The following CDHR3 variants were observed in gnomAD, a reference collection of about 807,000 sequenced individuals.
The protein encoded by CDHR3 is cadherin related family member 3.
A neutral mutation model predicts 86.6 loss-of-function variants in CDHR3; 79 were observed. The observed-to-expected ratio is 0.91, with a 90% CI of 0.76 to 1.10. The LOEUF is 1.10. Ranked by LOEUF, CDHR3 falls within the 50% of genes least tolerant of loss-of-function variation. The pLI, the probability that CDHR3 is intolerant of heterozygous loss-of-function variation, is 0.00. For missense variants in CDHR3, 1,081 were observed against 1,077.6 expected (o/e 1.00, Z -0.04); for synonymous variants, 421 against 402.4 (o/e 1.05, Z -0.55).
Position 105,975,054 on chromosome 7 carries a change from A to G in CDHR3, c.249+8A>G. The G allele has an allele frequency of 1.2e-6, 2 of 1,601,248 alleles. No homozygotes were observed. Among genetic ancestry groups the G allele is most frequent in the Non-Finnish European group, 1.7e-6 (2 of 1,168,266 alleles). ...TCAGGCACCTACTTTGAGGTAAGTAACAACTTACCAACATGAGTGTTGCCT... is the reference window on the plus strand; with the variant it reads ...TCAGGCACCTACTTTGAGGTAAGTAGCAACTTACCAACATGAGTGTTGCCT... On this transcript the variant is annotated splice_region_variant and intron_variant, in intron 2 of 18. Coordinates refer to ENST00000317716, the MANE Select transcript of CDHR3 (RefSeq NM_152750.5).
intron 8 of CDHR3, 72 bp downstream of exon 8, chr7:106,004,759 T>A: frequency 7.1e-7 from 1 of 1,410,850 alleles, no homozygotes. Flanking sequence ...GCTTCTCTGG[T>A]ATATTCTCAG....
At chr7:105,974,752 T>C in intron 1 of CDHR3, 92 bp from the exon 2 acceptor site, 5 of 955,572 alleles carry the variant, frequency 5.2e-6, no homozygotes, top group Non-Finnish European at 8.2e-6. Context: ...CACCCTGAGC[T>C]ACGAATTGAA....
chr7:105,991,219 G>C (rs1831305283), intron 4 of CDHR3, among the ~76,000 whole-genome samples: 1 of 152,144 alleles, frequency 6.6e-6, no homozygotes, highest in Non-Finnish European at 1.5e-5. Flanking sequence ...CTTTAAAAAG[G>C]GGGAGAAAAT....
Position 106,033,927 on chromosome 7 carries a change from G to A in CDHR3, c.*1230G>A, listed in dbSNP as rs1485086263. 6.6e-6 allele frequency among the ~76,000 whole-genome samples: 1 copy of A among 152,160 alleles called. No individual in the cohort carries two copies. The highest frequency in any genetic ancestry group is 2.4e-5 in the African/African-American group (1 of 41,436). On this transcript the variant is annotated 3_prime_UTR_variant, in exon 19 of 19. Transcript: ENST00000317716. ...ATTCCAGCAGCAAACACTGAGAGTT[G>A]CAATTGCTCTCTATCCTTGCCAACA... is the stretch of plus-strand genomic sequence containing the variant.
Position 105,972,663 on chromosome 7 carries a change from C to T in CDHR3, c.47-2181C>T, listed in dbSNP as rs570985784. Among the ~76,000 whole-genome samples the T allele has an allele frequency of 3.9e-5, 6 of 152,292 alleles. No individual in the cohort carries two copies. In the South Asian group the frequency reaches 1.2e-3, roughly 32 times the overall value. ...AAAACTGTTTTTGAGAGCTTTGTCT[C>T]TAAATACTCCAACCATACTCTTTCA... On this transcript the variant is annotated intron_variant, in intron 1 of 18. Coordinates refer to ENST00000317716, the MANE Select transcript of CDHR3 (RefSeq NM_152750.5).
At chr7:106,017,423 G>T (rs1835804510) in intron 11 of CDHR3, among the ~76,000 whole-genome samples, 1 of 152,022 alleles carries the variant, frequency 6.6e-6, no homozygotes, top group Non-Finnish European at 1.5e-5. Context: ...GCCAGGTGTG[G>T]TCGTGGGCAC....
chr7:106,005,926 C>T (rs995161324), intron 8 of CDHR3, among the ~76,000 whole-genome samples: 2 of 152,108 alleles, frequency 1.3e-5, no homozygotes, highest in Admixed American at 6.6e-5. Flanking sequence ...GGATGGATAC[C>T]GTATTAGACT....
chr7:106,024,327 A>C, intron 14 of CDHR3, 54 bp from the exon 15 acceptor site: 1 of 1,485,722 alleles, frequency 6.7e-7, no homozygotes. Context: ...AGAGTGCTGA[A>C]TGTCAAAATC....
At chr7:106,031,336 T>C (rs958089567) in intron 18 of CDHR3, among the ~76,000 whole-genome samples, 1 of 152,212 alleles carries the variant, frequency 6.6e-6, no homozygotes, top group African/African-American at 2.4e-5. Context: ...GTCGGCAAGA[T>C]GAACATAAGG....
In CDHR3 at chr7:106,034,577, T is replaced by A. The variant is rs1838757342; in HGVS notation, c.*1880T>A. The stretch of plus-strand genomic sequence containing the variant: ...TTGGTTGCCAGGGAACTCCCTTGAA[T>A]GGATTTAAACTTTGCAAAAGAAGGC... On this transcript the variant is annotated 3_prime_UTR_variant, in exon 19 of 19. Coordinates refer to ENST00000317716, the MANE Select transcript of CDHR3 (RefSeq NM_152750.5). 6.6e-6 allele frequency among the ~76,000 whole-genome samples: 1 copy of A among 152,228 alleles called. No homozygotes were observed. Among genetic ancestry groups the A allele is most frequent in the Admixed American group, 6.5e-5 (1 of 15,288 alleles).
At chr7:105,986,381 A>G (rs1830528506) in intron 4 of CDHR3, among the ~76,000 whole-genome samples, 1 of 152,238 alleles carries the variant, frequency 6.6e-6, no homozygotes, top group African/African-American at 2.4e-5. Flanking sequence ...AGAGATGAGT[A>G]GGACACATTG....
chr7:106,016,394 G>T (rs4730125), intron 11 of CDHR3, among the ~76,000 whole-genome samples: 25,668 of 152,044 alleles, frequency 0.17, 5,595 homozygotes, highest in African/African-American at 0.49. Context: ...AACAGAAAAG[G>T]TTTCCCATTT....
At position 106,022,286 on chromosome 7, in the gene CDHR3, T is replaced by TGGGTTTGATAG; in HGVS notation, c.1924_1925insGGGGTTTGATA (p.Lys642ArgfsTer15). On this transcript the variant is annotated frameshift_variant, in exon 14 of 19. Transcript: ENST00000317716. LOFTEE classifies it high-confidence loss of function. Reference sequence around the variant, plus strand: ...TTACATCTCGCTTTGACTATGCTGGTGGGTTTGATAAGATCTGGGACTACA... The same window carrying TGGGTTTGATAG: ...TTACATCTCGCTTTGACTATGCTGGTGGGTTTGATAGGGGTTTGATAAGATCTGGGACTACA... The TGGGTTTGATAG allele has an allele frequency of 1.2e-6, 2 of 1,613,994 alleles. No individual in the cohort carries two copies. Among genetic ancestry groups the TGGGTTTGATAG allele is most frequent in the Non-Finnish European group, 1.7e-6 (2 of 1,179,902 alleles).
At chr7:106,022,593 A>G (rs1836744435) in intron 14 of CDHR3, 145 bp downstream of exon 14, 1 of 1,221,598 alleles carries the variant, frequency 8.2e-7, no homozygotes, top group Non-Finnish European at 1.1e-6. Context: ...CATGGGCTGG[A>G]CTGGAGTAGC....
At position 105,996,344 on chromosome 7, in the gene CDHR3, C is replaced by T. The variant is rs201595088; in HGVS notation, c.703C>T (p.Arg235Cys). The T allele has an allele frequency of 3.7e-5, 59 of 1,590,310 alleles. No individual in the cohort carries two copies. The Middle Eastern group carries it at 1.3e-3, about 36-fold the overall frequency. Reference sequence around the variant, plus strand: ...CGTGAACCTCAACGACGAAGTCCCTCGCTTTACCAGGTAGGCCTGAGGGCA... The same window carrying T: ...CGTGAACCTCAACGACGAAGTCCCTTGCTTTACCAGGTAGGCCTGAGGGCA... Reference protein sequence around the residue: ...NIVNLNDEVPRFTSPTRVYTV... With the variant: ...NIVNLNDEVPCFTSPTRVYTV... The change falls in exon 6 of 19, where the codon CGC (arginine) becomes TGC (cysteine). Residue 235 changes from arginine to cysteine, a missense_variant. Physicochemically the swap from Arg to Cys is radical, Grantham distance 180 (BLOSUM62 -3). Coordinates refer to ENST00000317716, the MANE Select transcript of CDHR3 (RefSeq NM_152750.5).
intron 1 of CDHR3, among the ~76,000 whole-genome samples, chr7:105,970,646 G>A (rs991003819): frequency 2.1e-4 from 32 of 152,244 alleles, no homozygotes; most frequent in East Asian, 1.9e-4. Context: ...TTGACCAGAT[G>A]GGTGCCTTTG....
At chr7:105,997,180 G>A (rs1313864923) in intron 6 of CDHR3, among the ~76,000 whole-genome samples, 1 of 152,128 alleles carries the variant, frequency 6.6e-6, no homozygotes, top group Non-Finnish European at 1.5e-5. Context: ...AGACCATTAG[G>A]CCTCAGAGCT....
At chr7:105,982,023 C>T (rs1329693400) in intron 3 of CDHR3, among the ~76,000 whole-genome samples, 1 of 148,832 alleles carries the variant, frequency 6.7e-6, no homozygotes, top group Admixed American at 6.6e-5. Flanking sequence ...TGGATTGTTG[C>T]AATGGCTGGC....
intron 4 of CDHR3, among the ~76,000 whole-genome samples, chr7:105,985,623 G>A (rs778694277): frequency 1.4e-4 from 22 of 151,804 alleles, no homozygotes; most frequent in Admixed American, 1.2e-3. Flanking sequence ...TAAAGTAAGG[G>A]AATAGTCTGT....
Sources: gnomAD v4.1 joint callset for allele counts (sites outside exome capture counted in the v4.1 genomes callset) on GRCh38, gnomAD v4.1.1 for gene constraint, MANE v1.5 for transcripts, NCBI Gene and HGNC (gene_info 2026-07-23, HGNC 2026-07-21) for gene names.